AK6: variants seen among roughly 807,000 people sequenced by gnomAD.
The protein encoded by AK6 is adenylate kinase 6.
Under a neutral mutation model 23.7 loss-of-function variants are expected in AK6, and 24 were observed. That is an observed-to-expected ratio of 1.01 (90% CI 0.73 to 1.43). The LOEUF (loss-of-function observed/expected upper bound fraction) is 1.43, where lower values mean the gene tolerates loss of function less well. AK6 is among the 40% of genes most tolerant of loss of function. The probability of loss-of-function intolerance (pLI) is 0.00; values close to 1 mark genes in which losing one functional copy is unlikely to be tolerated. For missense variants in AK6, 191 were observed against 199.1 expected (o/e 0.96, Z 0.24); for synonymous variants, 73 against 69.8 (o/e 1.05, Z -0.23).
upstream of AK6, chr5:69,369,645 C>T: frequency 6.4e-7 from 1 of 1,562,582 alleles, no homozygotes; most frequent in Non-Finnish European, 8.7e-7. Flanking sequence ...CCAGCCGCGG[C>T]CCACTGGTTA....
chr5:69,364,128 T>C (rs1467237495), intron 2 of AK6, among the ~76,000 whole-genome samples: 3 of 151,918 alleles, frequency 2.0e-5, no homozygotes, highest in Non-Finnish European at 4.4e-5. Context: ...AGTAGTTGTA[T>C]GATAGCAAAT....
At chr5:69,358,914 A>G (rs942913863) in intron 2 of AK6, among the ~76,000 whole-genome samples, 1 of 152,074 alleles carries the variant, frequency 6.6e-6, no homozygotes, top group East Asian at 1.9e-4. Flanking sequence ...AGGTACAGAT[A>G]TATTGCTTGC....
chr5:69,353,794 G>A (rs926585410), intron 4 of AK6, among the ~76,000 whole-genome samples: 2 of 152,084 alleles, frequency 1.3e-5, no homozygotes, highest in Non-Finnish European at 2.9e-5. Context: ...TTTTGAGACA[G>A]GGTCTTGCTT....
chr5:69,366,398 G>T, intron 2 of AK6, 105 bp downstream of exon 2: 4 of 810,812 alleles, frequency 4.9e-6, no homozygotes, highest in South Asian at 3.2e-5. Context: ...TTCTTTAATG[G>T]CAATCTCTGT....
chr5:69,363,964 T>A (rs1762314293), intron 2 of AK6, among the ~76,000 whole-genome samples: 1 of 152,014 alleles, frequency 6.6e-6, no homozygotes. Context: ...GGTGCACACC[T>A]GTAATTCCAG....
intron 2 of AK6, chr5:69,365,113 C>T: frequency 1.2e-6 from 2 of 1,614,216 alleles, no homozygotes; most frequent in Non-Finnish European, 1.7e-6. Flanking sequence ...ACATTCTGAA[C>T]TGCTGAGGTT....
intron 2 of AK6, among the ~76,000 whole-genome samples, chr5:69,364,295 G>A (rs1228727751): frequency 1.3e-5 from 2 of 151,556 alleles, no homozygotes; most frequent in Admixed American, 6.6e-5. Context: ...TATAGTATCA[G>A]GAATATGAAA....
At chr5:69,360,326 T>A (rs993737823) in intron 2 of AK6, among the ~76,000 whole-genome samples, 7 of 152,098 alleles carry the variant, frequency 4.6e-5, no homozygotes, top group Non-Finnish European at 1.0e-4. Context: ...CCGTCAAGAT[T>A]TAAAGGCCAA....
At chr5:69,365,702 C>G (rs377584422) in intron 2 of AK6, 9 of 1,585,242 alleles carry the variant, frequency 5.7e-6, no homozygotes, top group Non-Finnish European at 6.9e-6. Context: ...CATCTTTCGG[C>G]ATGCTCTTGG....
rs767277095 is a variant in AK6, at chr5:69,366,548, T to C, written c.76A>G (p.Lys26Glu). The C allele has an allele frequency of 1.1e-5, 18 of 1,614,122 alleles. No individual in the cohort carries two copies. The South Asian group carries it at 1.6e-4, about 15-fold the overall frequency. ...ACATTAATGTATTTCAGTCCTGATT[T>C]TGACGCAAGTTCTTTGCCTAGTGTG... ...KTTLGKELAS[K>E]SGLKYINVGD... Residue 26 changes from lysine to glutamate, a missense_variant, in exon 2 of 5, where the codon AAA (lysine) becomes GAA (glutamate). By Grantham distance (56) the Lys-to-Glu change is moderately conservative (BLOSUM62 1). Coordinates refer to ENST00000380822, the MANE Select transcript of AK6 (RefSeq NM_016283.5).
chr5:69,369,234 C>G (rs538822923), intron 1 of AK6: 7 of 70,984 alleles, frequency 9.9e-5, no homozygotes, highest in African/African-American at 2.0e-4. Context: ...CCACCCCCCC[C>G]CGCCCCCCCC....
chr5:69,369,178 A>T lies in AK6; in HGVS notation c.28+285T>A, dbSNP rs1762701328. ...CAAACGAAATACCAGATTCAGAAAG[A>T]CTAAGCAGGTTGCCAAGCTGGAGAG... On this transcript the variant is annotated intron_variant, in intron 1 of 4. Transcript: ENST00000380822. 1.0e-5 allele frequency: 5 copies of T among 502,060 alleles called. 1 individual carries two copies. The Admixed American group carries it at 2.1e-4, about 21-fold the overall frequency. The allele number at this position is 502,060 out of a possible 1,614,324, so 31.1% of individuals were successfully genotyped here.
At chr5:69,362,904 G>A (rs1762279074) in intron 2 of AK6, among the ~76,000 whole-genome samples, 1 of 152,116 alleles carries the variant, frequency 6.6e-6, no homozygotes, top group South Asian at 2.1e-4. Context: ...ATAACAAAGA[G>A]GATGGGTGGG....
chr5:69,354,653 T>C (rs1346949672), intron 4 of AK6, among the ~76,000 whole-genome samples: 2 of 152,228 alleles, frequency 1.3e-5, no homozygotes, highest in Non-Finnish European at 2.9e-5. Context: ...ACTCGGTATC[T>C]ATTAAAGACT....
chr5:69,364,685 C>G (rs1231792657), intron 2 of AK6: 2 of 563,354 alleles, frequency 3.6e-6, no homozygotes, highest in Non-Finnish European at 6.3e-6. Context: ...TGTTACTCCT[C>G]TTGGTGACAA....
intron 2 of AK6, 51 bp downstream of exon 2, chr5:69,366,452 C>T (rs750392086): frequency 3.4e-6 from 5 of 1,465,896 alleles, no homozygotes; most frequent in Non-Finnish European, 4.8e-6. Flanking sequence ...ACTCCACTTA[C>T]CAGACCTTAA....
chr5:69,355,464 G>A (rs893359657), intron 4 of AK6, 185 bp downstream of exon 4: 34 of 551,130 alleles, frequency 6.2e-5, no homozygotes, highest in Non-Finnish European at 8.6e-5. Context: ...CAGGGAGGTG[G>A]AGGTTGCAGT....
At chr5:69,355,334 G>A (rs1762054106) in intron 4 of AK6, among the ~76,000 whole-genome samples, 1 of 152,038 alleles carries the variant, frequency 6.6e-6, no homozygotes. Context: ...AAGAGTTCGA[G>A]ACCAGTCTGG....
At chr5:69,367,216 A>T (rs1366685662) in intron 1 of AK6, among the ~76,000 whole-genome samples, 1 of 152,072 alleles carries the variant, frequency 6.6e-6, no homozygotes, top group Non-Finnish European at 1.5e-5. Context: ...GCTGAGAATA[A>T]AATTAGCCAT....
Sources: allele counts gnomAD v4.1 joint callset (sites outside exome capture counted in the v4.1 genomes callset), GRCh38; gene constraint gnomAD v4.1.1; transcripts MANE v1.5; gene names NCBI Gene and HGNC (gene_info 2026-07-23, HGNC 2026-07-21).